Variants in OSBPL6 observed in about 807,000 individuals in gnomAD.
OSBPL6 encodes oxysterol-binding protein-related protein 6.
Under a neutral mutation model 125.8 loss-of-function variants are expected in OSBPL6, and 49 were observed. The observed-to-expected ratio is 0.39, with a 90% CI of 0.31 to 0.49. The LOEUF (loss-of-function observed/expected upper bound fraction) is 0.49, where lower values mean the gene tolerates loss of function less well. Ranked by LOEUF, OSBPL6 falls within the 20% of genes least tolerant of loss-of-function variation. OSBPL6 has a pLI of 0.88. For missense variants in OSBPL6, 986 were observed against 1,135.4 expected (o/e 0.87, Z 1.89); for synonymous variants, 394 against 391.8 (o/e 1.01, Z -0.07).
chr2:178,260,172 G>C lies in OSBPL6; in HGVS notation c.-350-24755G>C, dbSNP rs138506875. Among the ~76,000 whole-genome samples, 353 of 152,298 alleles carry C rather than the reference G, an allele frequency of 2.3e-3. 2 individuals carry two copies. Among genetic ancestry groups the C allele is most frequent in the African/African-American group, 8.3e-3 (343 of 41,544 alleles). ...CTTTATTATTTTCTTTTATGCACCA[G>C]TTTCAAGATGGGTTGGTTAGCTGAC... On this transcript the variant is annotated intron_variant, in intron 1 of 24. Coordinates refer to ENST00000190611, the MANE Select transcript of OSBPL6 (RefSeq NM_032523.4).
intron 12 of OSBPL6, among the ~76,000 whole-genome samples, chr2:178,353,828 A>C (rs538352493): frequency 1.1e-4 from 17 of 152,208 alleles, no homozygotes; most frequent in Non-Finnish European, 2.2e-4. Context: ...AAAAAATATT[A>C]AGGGCAGCCC....
At chr2:178,390,620 T>A (rs866957542) in intron 21 of OSBPL6, among the ~76,000 whole-genome samples, 1 of 152,236 alleles carries the variant, frequency 6.6e-6, no homozygotes, top group Non-Finnish European at 1.5e-5. Context: ...ATAGACTTCT[T>A]ATCCCTTGGG....
intron 1 of OSBPL6, among the ~76,000 whole-genome samples, chr2:178,219,939 T>A (rs889924785): frequency 1.3e-5 from 2 of 152,140 alleles, no homozygotes; most frequent in Admixed American, 1.3e-4. Flanking sequence ...TCCTCCTAAG[T>A]GGTGGTCTGG....
intron 22 of OSBPL6, among the ~76,000 whole-genome samples, chr2:178,391,837 A>ATT (rs1224217223): frequency 1.6e-4 from 25 of 152,240 alleles, no homozygotes; most frequent in Non-Finnish European, 1.0e-4. Flanking sequence ...GTTTCCTAAG[A>ATT]GACATCAATG....
At chr2:178,364,796 T>TA (rs1370863020) in intron 13 of OSBPL6, among the ~76,000 whole-genome samples, 3 of 152,214 alleles carry the variant, frequency 2.0e-5, no homozygotes, top group Non-Finnish European at 2.9e-5. Flanking sequence ...TGCCCCTGCA[T>TA]ATCAGGGCAG....
At chr2:178,211,456 C>T (rs2153955822) in intron 1 of OSBPL6, among the ~76,000 whole-genome samples, 1 of 152,268 alleles carries the variant, frequency 6.6e-6, no homozygotes, top group Non-Finnish European at 1.5e-5. Flanking sequence ...TCTGACTGTG[C>T]CTAGGGCTCA....
chr2:178,265,592 A>G (rs2154020912), intron 1 of OSBPL6, among the ~76,000 whole-genome samples: 1 of 152,148 alleles, frequency 6.6e-6, no homozygotes, highest in African/African-American at 2.4e-5. Context: ...ATTAGAGGTT[A>G]CTGGTTCTTT....
At chr2:178,243,247 G>T (rs192632028) in intron 1 of OSBPL6, among the ~76,000 whole-genome samples, 1 of 152,284 alleles carries the variant, frequency 6.6e-6, no homozygotes, top group Admixed American at 6.5e-5. Context: ...AGCTGGGAAT[G>T]ACTCCTTCAA....
chr2:178,226,839 G>A (rs1212260634), intron 1 of OSBPL6, among the ~76,000 whole-genome samples: 3 of 152,046 alleles, frequency 2.0e-5, no homozygotes, highest in African/African-American at 7.2e-5. Context: ...ATTTCTTAAG[G>A]CACAAAAAGC....
Position 178,299,600 on chromosome 2 carries a change from G to A in OSBPL6, c.-155-6430G>A, listed in dbSNP as rs945704936. ...GGAGCAAAGTTAACCCATAAGCAGTGCATCCAGAGTAGCCCAGATGAACTT... is the reference window on the plus strand; with the variant it reads ...GGAGCAAAGTTAACCCATAAGCAGTACATCCAGAGTAGCCCAGATGAACTT... On this transcript the variant is annotated intron_variant, in intron 2 of 24. Coordinates refer to ENST00000190611, the MANE Select transcript of OSBPL6 (RefSeq NM_032523.4). Among the ~76,000 whole-genome samples the A allele has an allele frequency of 2.6e-4, 40 of 152,038 alleles. No homozygotes were observed. In the East Asian group the frequency reaches 7.5e-3, roughly 29 times the overall value.
At chr2:178,255,707 A>G (rs1444814313) in intron 1 of OSBPL6, among the ~76,000 whole-genome samples, 1 of 152,162 alleles carries the variant, frequency 6.6e-6, no homozygotes, top group East Asian at 1.9e-4. Context: ...GGGATATCAG[A>G]ATCTGGGTTT....
At chr2:178,302,532 A>G (rs1001483289) in intron 2 of OSBPL6, among the ~76,000 whole-genome samples, 1 of 152,206 alleles carries the variant, frequency 6.6e-6, no homozygotes, top group East Asian at 1.9e-4. Flanking sequence ...ATTGGTTGGA[A>G]TAATCTTTAA....
At chr2:178,382,157 A>C (rs1425628657) in intron 15 of OSBPL6, among the ~76,000 whole-genome samples, 1 of 152,098 alleles carries the variant, frequency 6.6e-6, no homozygotes, top group Non-Finnish European at 1.5e-5. Flanking sequence ...TATTATATTA[A>C]AATATTTCTG....
intron 1 of OSBPL6, among the ~76,000 whole-genome samples, chr2:178,244,309 C>G (rs1021956063): frequency 3.3e-5 from 5 of 152,212 alleles, no homozygotes; most frequent in South Asian, 2.1e-4. Context: ...AGGTCCTCCT[C>G]TCTTATTTTT....
chr2:178,388,441 G>A (rs973050778), intron 20 of OSBPL6, among the ~76,000 whole-genome samples: 4 of 152,062 alleles, frequency 2.6e-5, no homozygotes, highest in African/African-American at 4.8e-5. Context: ...AGGCCTTCCC[G>A]GCTCTGCCTC....
At chr2:178,391,508 A>G (rs1310561307) in intron 22 of OSBPL6, among the ~76,000 whole-genome samples, 1 of 152,216 alleles carries the variant, frequency 6.6e-6, no homozygotes, top group African/African-American at 2.4e-5. Flanking sequence ...TTGAAAAGCT[A>G]GGTATATTTA....
intron 1 of OSBPL6, among the ~76,000 whole-genome samples, chr2:178,226,434 G>A (rs1460654007): frequency 2.0e-5 from 3 of 152,218 alleles, no homozygotes; most frequent in African/African-American, 7.2e-5. Context: ...TAGACAATGG[G>A]TCTGGGGTGG....
chr2:178,284,410 G>T (rs1253337148), intron 1 of OSBPL6, among the ~76,000 whole-genome samples: 1 of 152,100 alleles, frequency 6.6e-6, no homozygotes, highest in East Asian at 1.9e-4. Context: ...AAAATTAGCT[G>T]GGCATGATGG....
intron 11 of OSBPL6, among the ~76,000 whole-genome samples, chr2:178,341,415 G>A (rs1472814262): frequency 6.8e-6 from 1 of 147,898 alleles, no homozygotes. Flanking sequence ...GTTTTACATA[G>A]ACAGAAAAGT....
Sources: allele counts gnomAD v4.1 joint callset (sites outside exome capture counted in the v4.1 genomes callset), GRCh38; gene constraint gnomAD v4.1.1; transcripts MANE v1.5; gene names NCBI Gene and HGNC (gene_info 2026-07-23, HGNC 2026-07-21).